Variants in PIEZO2 observed in about 807,000 individuals in gnomAD.
PIEZO2 encodes piezo-type mechanosensitive ion channel component 2.
Under a neutral mutation model 337.3 loss-of-function variants are expected in PIEZO2, and 172 were observed. The observed-to-expected ratio is 0.51, with a 90% CI of 0.45 to 0.58. PIEZO2 has a LOEUF of 0.58. Among genes scored for constraint, PIEZO2 ranks in the 20% least tolerant of loss-of-function variants. PIEZO2 has a pLI of 0.00. For synonymous variants in PIEZO2, 1,251 were observed against 1,228.5 expected (o/e 1.02, Z -0.38); for missense variants, 3,028 against 3,391.3 (o/e 0.89, Z 2.66).
Position 10,973,349 on chromosome 18 carries a change from T to A in PIEZO2, c.286+6186A>T, listed in dbSNP as rs961039600. On this transcript the variant is annotated intron_variant, in intron 3 of 55. Transcript: ENST00000674853. This position sits in a 1 kb window ranked among gnomAD's most constrained non-coding sequence, Gnocchi z 4.9. ...TACAAAAGTTCTCTTTCAGCAATGC[T>A]TCCATCCAGAATCTACTGATCATAA... Among the ~76,000 whole-genome samples, 1 of 152,206 alleles carries A rather than the reference T, an allele frequency of 6.6e-6. No homozygotes were observed. Among genetic ancestry groups the A allele is most frequent in the Non-Finnish European group, 1.5e-5 (1 of 68,040 alleles).
At chr18:10,785,795 A>T (rs2039201317) in intron 16 of PIEZO2, among the ~76,000 whole-genome samples, 1 of 152,024 alleles carries the variant, frequency 6.6e-6, no homozygotes, top group South Asian at 2.1e-4. Context: ...CTGCCTACTA[A>T]CTAGTCTCCT....
intron 3 of PIEZO2, among the ~76,000 whole-genome samples, chr18:10,975,526 A>G (rs2034409679): frequency 6.6e-6 from 1 of 152,148 alleles, no homozygotes; most frequent in Non-Finnish European, 1.5e-5. Context: ...AGCTCTGCAC[A>G]ACGGCACCTT....
intron 1 of PIEZO2, among the ~76,000 whole-genome samples, chr18:11,108,664 C>T (rs1313811660): frequency 7.0e-6 from 1 of 143,582 alleles, no homozygotes; most frequent in Non-Finnish European, 1.5e-5. Context: ...ATTGATTTCA[C>T]AGTTTATAAC....
chr18:10,707,361 C>A lies in PIEZO2; in HGVS notation c.5588+914G>T, dbSNP rs969255951. ...AATGGACTGGCATGGCAGGCACATG[C>A]CCGCCAGAGGACTTTGTCAAATGGC... On this transcript the variant is annotated intron_variant, in intron 40 of 55. Transcript: ENST00000674853. The surrounding 1 kb of genome is among the most constrained non-coding windows in gnomAD (Gnocchi z 4.2). Among the ~76,000 whole-genome samples, 1 of 152,106 alleles carries A rather than the reference C, an allele frequency of 6.6e-6. No individual in the cohort carries two copies. Among genetic ancestry groups the A allele is most frequent in the Non-Finnish European group, 1.5e-5 (1 of 68,028 alleles).
At chr18:11,010,437 A>G (rs533700352) in intron 2 of PIEZO2, among the ~76,000 whole-genome samples, 4 of 152,146 alleles carry the variant, frequency 2.6e-5, no homozygotes, top group Non-Finnish European at 5.9e-5. Context: ...ACCTAATCAC[A>G]CAATCCTCTA....
intron 17 of PIEZO2, among the ~76,000 whole-genome samples, chr18:10,782,357 T>TTA (rs2039039974): frequency 1.8e-5 from 1 of 55,888 alleles, no homozygotes; most frequent in Non-Finnish European, 2.8e-5. Flanking sequence ...TATATTATAA[T>TTA]TATATATAAA....
chr18:11,113,450 A>G (rs142814606), intron 1 of PIEZO2, among the ~76,000 whole-genome samples: 4 of 152,316 alleles, frequency 2.6e-5, no homozygotes, highest in Admixed American at 6.5e-5. Flanking sequence ...AGGGCCTCCT[A>G]AGGATCCACA....
At chr18:10,699,500 A>T (rs11661145) in intron 43 of PIEZO2, among the ~76,000 whole-genome samples, 2 of 151,828 alleles carry the variant, frequency 1.3e-5, no homozygotes, top group Non-Finnish European at 2.9e-5. Context: ...TCCAAGTAAG[A>T]TGTGACTTGC....
At chr18:10,803,312 G>T (rs1039705903) in intron 9 of PIEZO2, among the ~76,000 whole-genome samples, 1 of 152,120 alleles carries the variant, frequency 6.6e-6, no homozygotes, top group Non-Finnish European at 1.5e-5. Flanking sequence ...CATCTCATCA[G>T]AAAAGTCCAC....
At chr18:11,079,773 T>C (rs2038675411) in intron 1 of PIEZO2, among the ~76,000 whole-genome samples, 1 of 152,194 alleles carries the variant, frequency 6.6e-6, no homozygotes, top group African/African-American at 2.4e-5. Context: ...AATGCCCTCA[T>C]AACCTTAAAG....
At chr18:10,741,978 C>G (rs997340207) in intron 32 of PIEZO2, among the ~76,000 whole-genome samples, 1 of 150,830 alleles carries the variant, frequency 6.6e-6, no homozygotes, top group African/African-American at 2.4e-5. Flanking sequence ...ATGGTGAAAC[C>G]CTGTCTCTAC....
At chr18:11,053,052 C>A (rs2037587779) in intron 2 of PIEZO2, among the ~76,000 whole-genome samples, 1 of 152,200 alleles carries the variant, frequency 6.6e-6, no homozygotes, top group Non-Finnish European at 1.5e-5. Flanking sequence ...GGGTGTCCTG[C>A]AGCTTGCTAT....
chr18:10,757,838 G>T, intron 27 of PIEZO2, 131 bp downstream of exon 27: 1 of 1,020,854 alleles, frequency 9.8e-7, no homozygotes, highest in Non-Finnish European at 1.4e-6. Flanking sequence ...ACATTGTCCA[G>T]CATTTATTAA....
chr18:10,708,092 T>C (rs1347882645), intron 40 of PIEZO2, among the ~76,000 whole-genome samples, 183 bp downstream of exon 40: 1 of 152,236 alleles, frequency 6.6e-6, no homozygotes. Flanking sequence ...TTTAATATAA[T>C]GCTGTCCTGA....
rs1270965549 is a variant in PIEZO2 at position 10,833,088 on chromosome 18, C to T, written c.917+22265G>A. On this transcript the variant is annotated intron_variant, in intron 7 of 55. Coordinates refer to ENST00000674853, the MANE Select transcript of PIEZO2 (RefSeq NM_001378183.1). The surrounding 1 kb of genome is among the most constrained non-coding windows in gnomAD (Gnocchi z 4.7). Reference sequence around the variant, plus strand: ...TGCTGGCAGCTCTTGGCAGACATGCCATCGAGAGAAATCTCAGCCCCAGAA... The same window carrying T: ...TGCTGGCAGCTCTTGGCAGACATGCTATCGAGAGAAATCTCAGCCCCAGAA... Among the ~76,000 whole-genome samples the T allele has an allele frequency of 6.6e-6, 1 of 152,144 alleles. No homozygotes were observed. The highest frequency in any genetic ancestry group is 1.5e-5 in the Non-Finnish European group (1 of 68,038).
Position 11,096,681 on chromosome 18 carries a change from C to A in PIEZO2, c.65-30459G>T, listed in dbSNP as rs1222412586. 6.6e-6 allele frequency among the ~76,000 whole-genome samples: 1 copy of A among 152,186 alleles called. No individual in the cohort carries two copies. The highest frequency in any genetic ancestry group is 6.5e-5 in the Admixed American group (1 of 15,286). ...ACACACACACGTATCTACCTCTTGT[C>A]TTTCAAGGAGATATATCTAAAAACT... On this transcript the variant is annotated intron_variant, in intron 1 of 55. Transcript: ENST00000674853. The surrounding 1 kb of genome is among the most constrained non-coding windows in gnomAD (Gnocchi z 4.6).
chr18:11,130,465 G>A lies in PIEZO2; in HGVS notation c.64+18060C>T, dbSNP rs548439972. On this transcript the variant is annotated intron_variant, in intron 1 of 55. Transcript: ENST00000674853. ...TACCTCAGAGGTATATCAAGTCTCC[G>A]GCTTTGTGTCATAATCTTATTCGGA... 1.1e-4 allele frequency among the ~76,000 whole-genome samples: 17 copies of A among 152,296 alleles called. No individual in the cohort carries two copies. The East Asian group carries it at 2.1e-3, about 19-fold the overall frequency.
chr18:10,959,286 G>C (rs905299056), intron 3 of PIEZO2, among the ~76,000 whole-genome samples: 4 of 152,060 alleles, frequency 2.6e-5, no homozygotes, highest in Non-Finnish European at 5.9e-5. Flanking sequence ...TCATGGAAAA[G>C]GGCAAGTGAT....
At position 11,125,211 on chromosome 18, in the gene PIEZO2, G is replaced by A. The variant is rs535460183; in HGVS notation, c.64+23314C>T. Among the ~76,000 whole-genome samples, 1 of 152,194 alleles carries A rather than the reference G, an allele frequency of 6.6e-6. No individual in the cohort carries two copies. The highest frequency in any genetic ancestry group is 2.4e-5 in the African/African-American group (1 of 41,528). Reference sequence around the variant, plus strand: ...CACACACCGTCTATCCTGCCAGGCAGGATGGGGATACTGCAATAAGCAAGA... The same window carrying A: ...CACACACCGTCTATCCTGCCAGGCAAGATGGGGATACTGCAATAAGCAAGA... On this transcript the variant is annotated intron_variant, in intron 1 of 55. Transcript: ENST00000674853. This position sits in a 1 kb window ranked among gnomAD's most constrained non-coding sequence, Gnocchi z 4.4.
Sources: gnomAD v4.1 joint callset for allele counts (sites outside exome capture counted in the v4.1 genomes callset) on GRCh38, gnomAD v4.1.1 for gene constraint, Gnocchi (gnomAD v3.1) non-coding constraint, MANE v1.5 for transcripts, NCBI Gene and HGNC (gene_info 2026-07-23, HGNC 2026-07-21) for gene names.